Variants in PCDH15 observed in about 807,000 individuals in gnomAD.
PCDH15 encodes the protein protocadherin related 15.
In PCDH15, 129 loss-of-function variants were observed where a neutral mutation model predicts 178.5. That is an observed-to-expected ratio of 0.72 (90% CI 0.63 to 0.84). PCDH15 has a LOEUF of 0.84. PCDH15 is among the 40% of genes least tolerant of loss of function. The pLI is 0.00. For synonymous variants in PCDH15, 800 were observed against 732.0 expected (o/e 1.09, Z -1.50); for missense variants, 2,230 against 2,099.9 (o/e 1.06, Z -1.21).
rs140770186 is a variant in PCDH15, at chr10:54,012,078, C to T, written c.2751+8114G>A. 1.6e-3 allele frequency among the ~76,000 whole-genome samples: 236 copies of T among 152,010 alleles called. 1 individual carries two copies. The highest frequency in any genetic ancestry group is 5.3e-3 in the African/African-American group (220 of 41,462). On this transcript the variant is annotated intron_variant, in intron 20 of 37. Coordinates refer to ENST00000644397, the MANE Select transcript of PCDH15 (RefSeq NM_001384140.1). Reference sequence around the variant, plus strand: ...ATACAGGAGCTGGTAGATGAAATGGCCATTATAAGAATGAACCAAAATGAT... The same window carrying T: ...ATACAGGAGCTGGTAGATGAAATGGTCATTATAAGAATGAACCAAAATGAT...
chr10:53,869,283 C>G (rs2079663375), intron 26 of PCDH15, among the ~76,000 whole-genome samples: 1 of 152,100 alleles, frequency 6.6e-6, no homozygotes, highest in Non-Finnish European at 1.5e-5. Context: ...GAAAGAAAAA[C>G]AGTATCAAAA....
chr10:55,624,765 G>T (rs1484893196), intron 2 of PCDH15, among the ~76,000 whole-genome samples: 4 of 152,020 alleles, frequency 2.6e-5, no homozygotes, highest in African/African-American at 9.7e-5. Flanking sequence ...GAAAAATTAA[G>T]AATTTCATGT....
chr10:53,982,962 T>G (rs1053946137), intron 21 of PCDH15, among the ~76,000 whole-genome samples: 1 of 152,174 alleles, frequency 6.6e-6, no homozygotes, highest in Non-Finnish European at 1.5e-5. Flanking sequence ...ATTGTTTCCT[T>G]CATAATTTCT....
intron 8 of PCDH15, among the ~76,000 whole-genome samples, chr10:54,270,906 A>G (rs779891602): frequency 1.6e-4 from 24 of 152,202 alleles, no homozygotes; most frequent in Non-Finnish European, 2.5e-4. Context: ...AAATAAACAT[A>G]TAACATGTCA....
intron 13 of PCDH15, among the ~76,000 whole-genome samples, chr10:54,167,180 GTCC>G (rs1223394743): frequency 6.6e-6 from 1 of 152,102 alleles, no homozygotes; most frequent in Non-Finnish European, 1.5e-5. Context: ...TCAATCCCCT[GTCC>G]TCCTGTTCTT....
At chr10:55,026,645 A>G (rs72800100) in intron 2 of PCDH15, among the ~76,000 whole-genome samples, 263 of 152,074 alleles carry the variant, frequency 1.7e-3, no homozygotes, top group Non-Finnish European at 2.9e-3. Context: ...AAAAGCATAG[A>G]TGATAGAAGT....
intron 3 of PCDH15, among the ~76,000 whole-genome samples, chr10:54,890,824 A>G (rs187867878): frequency 6.6e-6 from 1 of 152,212 alleles, no homozygotes; most frequent in East Asian, 1.9e-4. Flanking sequence ...GCAACCATCT[A>G]CATAAAATAT....
At chr10:53,921,754 C>T (rs1012224973) in intron 25 of PCDH15, among the ~76,000 whole-genome samples, 2 of 152,164 alleles carry the variant, frequency 1.3e-5, no homozygotes, top group African/African-American at 4.8e-5. Flanking sequence ...GCTGTACAAG[C>T]CACCAAGTAT....
intron 1 of PCDH15, among the ~76,000 whole-genome samples, chr10:55,166,894 C>A: frequency 6.6e-6 from 1 of 152,054 alleles, no homozygotes; most frequent in Non-Finnish European, 1.5e-5. Flanking sequence ...CATATCTATG[C>A]CTCAGGTTAT....
At chr10:55,304,493 C>T (rs1843367839) in intron 1 of PCDH15, among the ~76,000 whole-genome samples, 1 of 152,084 alleles carries the variant, frequency 6.6e-6, no homozygotes, top group Non-Finnish European at 1.5e-5. Context: ...ATTAACATAA[C>T]ATGTTTTTAA....
intron 3 of PCDH15, among the ~76,000 whole-genome samples, chr10:54,479,488 G>T: frequency 6.6e-6 from 1 of 151,678 alleles, no homozygotes; most frequent in South Asian, 2.1e-4. Flanking sequence ...AGCTGCCTGG[G>T]TTTGTTTTGA....
At chr10:54,881,222 T>C (rs1400632879) in intron 3 of PCDH15, among the ~76,000 whole-genome samples, 1 of 152,054 alleles carries the variant, frequency 6.6e-6, no homozygotes, top group African/African-American at 2.4e-5. Flanking sequence ...AGGGGCGCTT[T>C]GAGGAATTAC....
chr10:55,389,250 G>C (rs147952465), intron 2 of PCDH15, among the ~76,000 whole-genome samples: 221 of 152,106 alleles, frequency 1.5e-3, no homozygotes, highest in African/African-American at 4.6e-3. Flanking sequence ...GTGAAGACCT[G>C]TCAACTGAGG....
chr10:54,782,122 CTGAT>C (rs1404554896), intron 1 of PCDH15, among the ~76,000 whole-genome samples: 1 of 151,964 alleles, frequency 6.6e-6, no homozygotes, highest in Non-Finnish European at 1.5e-5. Context: ...TGCAGAACAG[CTGAT>C]TTAGTAACCT....
chr10:55,614,441 A>G (rs1843435435), intron 2 of PCDH15, among the ~76,000 whole-genome samples: 1 of 152,192 alleles, frequency 6.6e-6, no homozygotes, highest in African/African-American at 2.4e-5. Flanking sequence ...CTACCTAAGT[A>G]CTTGATGAGA....
At chr10:54,779,486 A>ATACACACATATATGTG (rs1566222669) in intron 1 of PCDH15, among the ~76,000 whole-genome samples, 5 of 13,466 alleles carry the variant, frequency 3.7e-4, no homozygotes, top group Non-Finnish European at 1.4e-3. Context: ...ACACATATAT[A>ATACACACATATATGTG]TGTATATATA....
At chr10:54,091,324 A>G in intron 15 of PCDH15, among the ~76,000 whole-genome samples, 1 of 148,198 alleles carries the variant, frequency 6.7e-6, no homozygotes, top group Non-Finnish European at 1.5e-5. Context: ...CTCCACAGAC[A>G]GGAACTGCCC....
chr10:55,198,295 T>C (rs34133096), intron 1 of PCDH15, among the ~76,000 whole-genome samples: 93,683 of 151,726 alleles, frequency 0.62, 29,521 homozygotes, highest in East Asian at 0.68. Context: ...AATTTCATGT[T>C]GAATTTTAAT....
intron 8 of PCDH15, among the ~76,000 whole-genome samples, chr10:54,314,508 A>T (rs2061114725): frequency 6.6e-6 from 1 of 152,158 alleles, no homozygotes; most frequent in Non-Finnish European, 1.5e-5. Flanking sequence ...ATATTTTAAA[A>T]GATAAATAAA....
Sources: gnomAD v4.1 joint callset for allele counts (sites outside exome capture counted in the v4.1 genomes callset) on GRCh38, gnomAD v4.1.1 for gene constraint, MANE v1.5 for transcripts, NCBI Gene and HGNC (gene_info 2026-07-23, HGNC 2026-07-21) for gene names.